Variants in ORC4 observed in about 807,000 individuals in gnomAD.
ORC4 encodes the protein origin recognition complex subunit 4.
Under a neutral mutation model 63.9 loss-of-function variants are expected in ORC4, and 55 were observed. The observed-to-expected ratio is 0.86, with a 90% confidence interval of 0.69 to 1.08. ORC4 has a LOEUF of 1.08. Ranked by LOEUF, ORC4 falls within the 50% of genes least tolerant of loss-of-function variation. The pLI is 0.00. For missense variants in ORC4, 511 were observed against 504.4 expected, an observed-to-expected ratio of 1.01 and a Z score of -0.13; for synonymous variants, 150 against 168.5, an observed-to-expected ratio of 0.89 and a Z score of 0.85.
At chr2:148,006,292 G>A (rs1692624394) in intron 1 of ORC4, among the ~76,000 whole-genome samples, 1 of 129,840 alleles carries the variant, frequency 7.7e-6, no homozygotes, top group Non-Finnish European at 1.6e-5. Context: ...CTTAGTCCTG[G>A]GCCAGAGAGA....
chr2:147,986,496 G>A (rs998630317), intron 1 of ORC4, among the ~76,000 whole-genome samples: 1 of 152,046 alleles, frequency 6.6e-6, no homozygotes, highest in Non-Finnish European at 1.5e-5. Flanking sequence ...AGAATTCACT[G>A]GGACTCAGCC....
At chr2:147,935,819 T>C (rs1176757160) in intron 13 of ORC4, 121 bp from the exon 14 acceptor site, 20 of 745,526 alleles carry the variant, frequency 2.7e-5, no homozygotes, top group Non-Finnish European at 4.5e-5. Context: ...GGAAGCAAAA[T>C]GTAACAACAA....
Position 147,949,594 on chromosome 2 carries a change from CATG to C in ORC4, c.589-1373_589-1371del, listed in dbSNP as rs560034988. 1.6e-4 allele frequency among the ~76,000 whole-genome samples: 25 copies of C among 152,136 alleles called. No homozygotes were observed. The East Asian group carries it at 4.6e-3, about 28-fold the overall frequency. On this transcript the variant is annotated intron_variant, in intron 8 of 13. Coordinates refer to ENST00000392857, the MANE Select transcript of ORC4 (RefSeq NM_181741.4). The stretch of plus-strand genomic sequence containing the variant: ...AATAAAGCTGTTTTAAAAACAGTGA[CATG>C]ATATTTGATGACTTTAAGGAATTAC...
At chr2:147,998,201 A>C (rs1406343086) in intron 1 of ORC4, among the ~76,000 whole-genome samples, 2 of 151,692 alleles carry the variant, frequency 1.3e-5, no homozygotes, top group Non-Finnish European at 2.9e-5. Flanking sequence ...GGAGAAAGTG[A>C]AAATGTGCAA....
chr2:147,968,386 G>A (rs1690019341), intron 4 of ORC4, among the ~76,000 whole-genome samples: 1 of 151,934 alleles, frequency 6.6e-6, no homozygotes, highest in Non-Finnish European at 1.5e-5. Flanking sequence ...TATCTGCAAA[G>A]TATTCATCTC....
intron 1 of ORC4, among the ~76,000 whole-genome samples, chr2:148,000,981 T>C (rs1350277592): frequency 6.6e-6 from 1 of 152,108 alleles, no homozygotes; most frequent in Non-Finnish European, 1.5e-5. Context: ...TAAAATGTTA[T>C]TTAGAGATAC....
chr2:147,963,064 T>C (rs1371446273), intron 4 of ORC4, among the ~76,000 whole-genome samples: 2 of 152,056 alleles, frequency 1.3e-5, no homozygotes, highest in Non-Finnish European at 2.9e-5. Flanking sequence ...CCAAGCAGTC[T>C]TGTGCTCACC....
chr2:148,005,456 G>T (rs138138241), intron 1 of ORC4, among the ~76,000 whole-genome samples: 1 of 152,020 alleles, frequency 6.6e-6, no homozygotes, highest in African/African-American at 2.4e-5. Context: ...TAATGTAGAT[G>T]ACAGGTTAAT....
At chr2:147,993,358 AG>A (rs985502707) in intron 1 of ORC4, among the ~76,000 whole-genome samples, 2 of 152,204 alleles carry the variant, frequency 1.3e-5, no homozygotes, top group African/African-American at 2.4e-5. Context: ...TATTTTTGGA[AG>A]GAAAAAAAAC....
At chr2:147,960,367 T>C in intron 4 of ORC4, 4 of 970,096 alleles carry the variant, frequency 4.1e-6, no homozygotes, top group Non-Finnish European at 4.9e-6. Flanking sequence ...AATCTGGGTA[T>C]TGCTAAAATT....
At chr2:147,960,724 T>C (rs1689541853) in intron 4 of ORC4, among the ~76,000 whole-genome samples, 1 of 152,164 alleles carries the variant, frequency 6.6e-6, no homozygotes, top group Non-Finnish European at 1.5e-5. Flanking sequence ...AAATTGCATG[T>C]GTAAGAGCAT....
At chr2:147,965,240 G>T (rs1200463006) in intron 4 of ORC4, among the ~76,000 whole-genome samples, 1 of 151,852 alleles carries the variant, frequency 6.6e-6, no homozygotes, top group Non-Finnish European at 1.5e-5. Context: ...AAGGATATAT[G>T]AAACAACCAG....
chr2:147,935,376 A>T lies in ORC4; in HGVS notation c.*134T>A. 1 of 706,006 alleles carries T rather than the reference A, an allele frequency of 1.4e-6. No individual in the cohort carries two copies. Among genetic ancestry groups the T allele is most frequent in the Non-Finnish European group, 2.5e-6 (1 of 395,788 alleles). The allele number at this position is 706,006 out of a possible 1,614,324, so 43.7% of individuals were successfully genotyped here. On this transcript the variant is annotated 3_prime_UTR_variant, in exon 14 of 14. Coordinates refer to ENST00000392857, the MANE Select transcript of ORC4 (RefSeq NM_181741.4). ...GATTAAAAGGCAAGACACAGCCAAG[A>T]CAGTAGATGGGCAAGTCTCACATAA...
At chr2:148,010,315 A>C (rs374759951) in intron 1 of ORC4, among the ~76,000 whole-genome samples, 1 of 151,994 alleles carries the variant, frequency 6.6e-6, no homozygotes, top group African/African-American at 2.4e-5. Context: ...CAAGCCCCAA[A>C]TTAAGAAGAG....
rs374498600 is a variant in ORC4 at position 148,009,249 on chromosome 2, A to G, written c.-18+11384T>C. Among the ~76,000 whole-genome samples, 258 of 152,204 alleles carry G rather than the reference A, an allele frequency of 1.7e-3. 2 individuals are homozygous for G. Among genetic ancestry groups the G allele is most frequent in the African/African-American group, 5.9e-3 (245 of 41,552 alleles). On this transcript the variant is annotated intron_variant, in intron 1 of 13. Coordinates refer to ENST00000392857, the MANE Select transcript of ORC4 (RefSeq NM_181741.4). ...AGGAAAACAAGGAAAAAAATGGGGG[A>G]AAAGCCCTAGAAAATAACCAGAACA...
At position 148,001,814 on chromosome 2, in the gene ORC4, C is replaced by T. The variant is rs531715651; in HGVS notation, c.-18+18819G>A. On this transcript the variant is annotated intron_variant, in intron 1 of 13. Coordinates refer to ENST00000392857, the MANE Select transcript of ORC4 (RefSeq NM_181741.4). ...GGCCCAATTAAAAGACACAGACTGG[C>T]AAATTGGATAAAGAGTCAAGACCCA... Among the ~76,000 whole-genome samples, 76 of 152,168 alleles carry T rather than the reference C, an allele frequency of 5.0e-4. 1 individual carries two copies. Among genetic ancestry groups the T allele is most frequent in the Non-Finnish European group, 7.8e-4 (53 of 67,996 alleles).
intron 1 of ORC4, chr2:147,982,110 C>G (rs568667147): frequency 6.6e-6 from 1 of 152,176 alleles, no homozygotes; most frequent in Non-Finnish European, 1.5e-5. Context: ...ACAGAGTACT[C>G]AATTATTGTC....
At chr2:147,955,057 T>C (rs942099269) in intron 7 of ORC4, among the ~76,000 whole-genome samples, 1 of 151,970 alleles carries the variant, frequency 6.6e-6, no homozygotes, top group African/African-American at 2.4e-5. Flanking sequence ...CAAAATCTTA[T>C]TACAAAATAG....
intron 4 of ORC4, among the ~76,000 whole-genome samples, chr2:147,969,049 T>C (rs1690058995): frequency 6.6e-6 from 1 of 151,876 alleles, no homozygotes; most frequent in South Asian, 2.1e-4. Flanking sequence ...TTAAACACCA[T>C]GCGTTTTCAC....
Sources: gnomAD v4.1 joint callset for allele counts (sites outside exome capture counted in the v4.1 genomes callset) on GRCh38, gnomAD v4.1.1 for gene constraint, MANE v1.5 for transcripts, NCBI Gene and HGNC (gene_info 2026-07-23, HGNC 2026-07-21) for gene names.